RNF217: variants seen among roughly 807,000 people sequenced by gnomAD.
RNF217 encodes E3 ubiquitin-protein ligase RNF217.
In RNF217, 31 loss-of-function variants were observed where a neutral mutation model predicts 57.8. The observed-to-expected ratio is 0.54, with a 90% CI of 0.40 to 0.72. The LOEUF is 0.72. Ranked by LOEUF, RNF217 falls within the 30% of genes least tolerant of loss-of-function variation. The pLI, the probability that RNF217 is intolerant of heterozygous loss-of-function variation, is 0.00. For missense variants in RNF217, 696 were observed against 708.3 expected (o/e 0.98, Z 0.20); for synonymous variants, 313 against 294.0 (o/e 1.06, Z -0.66).
At chr6:125,038,833 A>C (rs901173619) in intron 1 of RNF217, among the ~76,000 whole-genome samples, 5 of 151,786 alleles carry the variant, frequency 3.3e-5, no homozygotes, top group African/African-American at 7.3e-5. Flanking sequence ...CTTTTTTTCT[A>C]ATTTAATTTT....
At position 125,086,873 on chromosome 6, in the gene RNF217, CTT is replaced by C. The variant is rs1171084865; in HGVS notation, c.*3937_*3938del. ...CCTTGTTCTGTGACTCTGACTATCT[CTT>C]GAGTCCCAAGGCTCCAATTGAGCCT... On this transcript the variant is annotated 3_prime_UTR_variant, in exon 6 of 6. Coordinates refer to ENST00000521654, the MANE Select transcript of RNF217 (RefSeq NM_001286398.3). The C allele has an allele frequency of 6.6e-6, 1 of 152,232 alleles. No individual in the cohort carries two copies. The highest frequency in any genetic ancestry group is 1.9e-4 in the East Asian group (1 of 5,176). 9.4% of individuals were successfully genotyped at this position (152,232 alleles called of 1,614,324 possible).
intron 1 of RNF217, among the ~76,000 whole-genome samples, chr6:124,995,968 G>A (rs555531197): frequency 1.6e-4 from 25 of 151,910 alleles, no homozygotes; most frequent in African/African-American, 6.0e-4. Flanking sequence ...GAATATTTCT[G>A]GGTTTTTTTT....
chr6:125,005,584 T>G (rs1383170730), intron 1 of RNF217, among the ~76,000 whole-genome samples: 1 of 152,228 alleles, frequency 6.6e-6, no homozygotes, highest in Non-Finnish European at 1.5e-5. Context: ...CTTTAAAGTT[T>G]CCTTTGAAAA....
chr6:125,027,920 T>A (rs1288742732), intron 1 of RNF217, among the ~76,000 whole-genome samples: 1 of 152,216 alleles, frequency 6.6e-6, no homozygotes, highest in Non-Finnish European at 1.5e-5. Context: ...TGAGCATCTT[T>A]TCATATGCCT....
At chr6:125,024,656 G>C (rs1486390740) in intron 1 of RNF217, among the ~76,000 whole-genome samples, 1 of 151,242 alleles carries the variant, frequency 6.6e-6, no homozygotes, top group Non-Finnish European at 1.5e-5. Flanking sequence ...GGAGGCAGAG[G>C]TCGCAGTGAG....
chr6:125,009,643 TTTTC>T (rs1562466118), intron 1 of RNF217, among the ~76,000 whole-genome samples: 1 of 152,036 alleles, frequency 6.6e-6, no homozygotes, highest in African/African-American at 2.4e-5. Context: ...CCTTCCTTCC[TTTTC>T]TTTCTATTTT....
intron 2 of RNF217, among the ~76,000 whole-genome samples, chr6:125,047,557 C>A (rs947535094): frequency 2.9e-4 from 44 of 152,138 alleles, no homozygotes; most frequent in African/African-American, 1.1e-3. Context: ...GAAGCAGGGG[C>A]AAATGGACCA....
intron 1 of RNF217, among the ~76,000 whole-genome samples, chr6:125,036,697 G>A (rs1786636207): frequency 6.6e-6 from 1 of 151,880 alleles, no homozygotes; most frequent in Admixed American, 6.6e-5. Context: ...TCAAAAAGTG[G>A]ATGAAGGATA....
chr6:124,976,099 C>T (rs573806012), intron 1 of RNF217, among the ~76,000 whole-genome samples: 1 of 152,152 alleles, frequency 6.6e-6, no homozygotes, highest in Admixed American at 6.5e-5. Flanking sequence ...TATATGTATA[C>T]ATAGACATAT....
intron 1 of RNF217, among the ~76,000 whole-genome samples, chr6:124,967,689 A>G (rs1303899221): frequency 6.6e-6 from 1 of 152,200 alleles, no homozygotes; most frequent in Non-Finnish European, 1.5e-5. Flanking sequence ...TAGTCACCCT[A>G]GAGTCAGTGA....
At chr6:124,974,246 C>T (rs1200518366) in intron 1 of RNF217, among the ~76,000 whole-genome samples, 1 of 152,142 alleles carries the variant, frequency 6.6e-6, no homozygotes, top group Non-Finnish European at 1.5e-5. Flanking sequence ...TTTAAAACCT[C>T]CACTACTTAA....
At chr6:125,038,380 T>C (rs575881318) in intron 1 of RNF217, among the ~76,000 whole-genome samples, 1 of 152,306 alleles carries the variant, frequency 6.6e-6, no homozygotes, top group East Asian at 1.9e-4. Context: ...GTATCATGGT[T>C]ATGGTTTTAA....
intron 1 of RNF217, among the ~76,000 whole-genome samples, chr6:125,010,142 A>G (rs1330649850): frequency 1.3e-5 from 2 of 152,048 alleles, no homozygotes; most frequent in Non-Finnish European, 2.9e-5. Context: ...TGTAACTGAA[A>G]TGAACGTTTT....
At chr6:124,982,707 C>G (rs1784223673) in intron 1 of RNF217, among the ~76,000 whole-genome samples, 1 of 152,028 alleles carries the variant, frequency 6.6e-6, no homozygotes. Flanking sequence ...ATGTGCCTAC[C>G]CTCTAAAGGC....
Position 125,083,032 on chromosome 6 carries a change from G to A in RNF217, c.*95G>A. ...AGTCACATCTTGAAAAACACTGAGA[G>A]GAACCTTCTACCATCTCATCTCCCA... On this transcript the variant is annotated 3_prime_UTR_variant, in exon 6 of 6. Transcript: ENST00000521654. 1.3e-6 allele frequency: 1 copy of A among 782,428 alleles called. No individual in the cohort carries two copies. Among genetic ancestry groups the A allele is most frequent in the Non-Finnish European group, 2.0e-6 (1 of 507,450 alleles). 48.5% of individuals were successfully genotyped at this position (782,428 alleles called of 1,614,324 possible). A position where few individuals can be genotyped will look rare whatever the true frequency, so the allele number is the denominator to read the frequency against.
chr6:124,998,372 A>C (rs904377747), intron 1 of RNF217, among the ~76,000 whole-genome samples: 25 of 152,192 alleles, frequency 1.6e-4, no homozygotes, highest in Admixed American at 1.6e-3. Flanking sequence ...GTGAAGACGA[A>C]TTCAACTTTT....
rs1788781103 is a variant in RNF217, at chr6:125,086,725, T to C, written c.*3788T>C. The C allele has an allele frequency of 6.6e-6, 1 of 152,060 alleles. No homozygotes were observed. Among genetic ancestry groups the C allele is most frequent in the Admixed American group, 6.6e-5 (1 of 15,238 alleles). The allele number at this position is 152,060 out of a possible 1,614,324, so 9.4% of individuals were successfully genotyped here. A position where few individuals can be genotyped will look rare whatever the true frequency, so the allele number is the denominator to read the frequency against. ...TGATTTTCTCATAGGTGCTATTGTGTCCTAAGAGTAGAACAGACAAGAAAA... is the reference window on the plus strand; with the variant it reads ...TGATTTTCTCATAGGTGCTATTGTGCCCTAAGAGTAGAACAGACAAGAAAA... On this transcript the variant is annotated 3_prime_UTR_variant, in exon 6 of 6. Coordinates refer to ENST00000521654, the MANE Select transcript of RNF217 (RefSeq NM_001286398.3).
intron 1 of RNF217, among the ~76,000 whole-genome samples, chr6:124,987,618 T>A (rs1784408361): frequency 6.6e-6 from 1 of 151,982 alleles, no homozygotes; most frequent in South Asian, 2.1e-4. Flanking sequence ...AAAACGGAGA[T>A]CTTGCTTCTT....
intron 4 of RNF217, among the ~76,000 whole-genome samples, chr6:125,079,536 A>G (rs974502707): frequency 6.6e-5 from 10 of 152,120 alleles, no homozygotes; most frequent in Non-Finnish European, 1.0e-4. Context: ...GCTGTCAGAG[A>G]AATGTAAATT....
Sources: gnomAD v4.1 joint callset for allele counts (sites outside exome capture counted in the v4.1 genomes callset) on GRCh38, gnomAD v4.1.1 for gene constraint, MANE v1.5 for transcripts, NCBI Gene and HGNC (gene_info 2026-07-23, HGNC 2026-07-21) for gene names.